The following SSU72 variants were observed in gnomAD, a reference collection of about 807,000 sequenced individuals.
SSU72 encodes SSU72 homolog, RNA polymerase II CTD phosphatase.
A neutral mutation model predicts 22.7 loss-of-function variants in SSU72; 12 were observed. The ratio of observed to expected loss-of-function variants is 0.53; its 90% CI spans 0.34 to 0.86. The LOEUF is 0.86. Ranked by LOEUF, SSU72 falls within the 40% of genes least tolerant of loss-of-function variation. The pLI is 0.02. For missense variants in SSU72, 151 were observed against 249.8 expected (o/e 0.60, Z 2.67); for synonymous variants, 116 against 98.3 (o/e 1.18, Z -1.06).
At chr1:1,570,294 CAA>C (rs34871297) in intron 1 of SSU72, among the ~76,000 whole-genome samples, 2 of 143,376 alleles carry the variant, frequency 1.4e-5, no homozygotes, top group African/African-American at 2.5e-5. Flanking sequence ...AAAAAAAAAA[CAA>C]AAAAAAAAGG....
chr1:1,568,900 G>A (rs372161613), intron 1 of SSU72, among the ~76,000 whole-genome samples: 5 of 152,168 alleles, frequency 3.3e-5, no homozygotes, highest in African/African-American at 7.2e-5. Context: ...GGCCAGGCAC[G>A]GTGGCTCACG....
At chr1:1,558,358 G>A (rs939971763) in intron 2 of SSU72, among the ~76,000 whole-genome samples, 7 of 152,000 alleles carry the variant, frequency 4.6e-5, no homozygotes, top group Non-Finnish European at 7.4e-5. Flanking sequence ...ACAGAGAGAC[G>A]CCCTGTCTCA....
intron 2 of SSU72, chr1:1,561,778 GCCC>G (rs928243388): frequency 3.9e-5 from 6 of 152,150 alleles, no homozygotes. Context: ...GGGCAAAGAC[GCCC>G]CCCGAGTGAA....
intron 1 of SSU72, among the ~76,000 whole-genome samples, chr1:1,566,051 G>A (rs984520517): frequency 1.3e-5 from 2 of 151,732 alleles, no homozygotes; most frequent in African/African-American, 4.8e-5. Context: ...GAGGCTGGGA[G>A]TTTCAGACTA....
chr1:1,552,523 G>A (rs927838434), intron 2 of SSU72, among the ~76,000 whole-genome samples: 2 of 152,184 alleles, frequency 1.3e-5, no homozygotes, highest in African/African-American at 2.4e-5. Flanking sequence ...CCCAGAGGGC[G>A]ATTCCTCCCG....
At chr1:1,555,032 T>G (rs909077798) in intron 2 of SSU72, among the ~76,000 whole-genome samples, 1 of 152,154 alleles carries the variant, frequency 6.6e-6, no homozygotes. Flanking sequence ...GCATGCTAAG[T>G]GCTGCTGCCC....
chr1:1,552,151 G>A (rs552247898), intron 2 of SSU72, among the ~76,000 whole-genome samples: 77 of 152,284 alleles, frequency 5.1e-4, no homozygotes, highest in Middle Eastern at 3.4e-3. Flanking sequence ...CACGCTGGCC[G>A]CGTGGACGCA....
intron 2 of SSU72, among the ~76,000 whole-genome samples, chr1:1,547,238 TG>T (rs1455958477): frequency 6.6e-6 from 1 of 152,016 alleles, no homozygotes; most frequent in East Asian, 1.9e-4. Context: ...TGGGGGCTCC[TG>T]GGGATGGGAC....
At chr1:1,566,645 G>A (rs2100720640) in intron 1 of SSU72, among the ~76,000 whole-genome samples, 2 of 152,276 alleles carry the variant, frequency 1.3e-5, no homozygotes, top group South Asian at 4.1e-4. Context: ...GAGGTCAGGA[G>A]ATCAAGACCA....
chr1:1,553,789 C>T (rs1642483786), intron 2 of SSU72, among the ~76,000 whole-genome samples: 1 of 98,272 alleles, frequency 1.0e-5, no homozygotes, highest in Non-Finnish European at 1.7e-5. Flanking sequence ...GAGACTCCGT[C>T]TCAAAAAAAA....
At chr1:1,551,590 G>C (rs1032024860) in intron 2 of SSU72, among the ~76,000 whole-genome samples, 2 of 152,222 alleles carry the variant, frequency 1.3e-5, no homozygotes, top group African/African-American at 2.4e-5. Context: ...TGGTCAGGGA[G>C]GGGGAGGCCT....
intron 2 of SSU72, among the ~76,000 whole-genome samples, chr1:1,558,374 A>AAAT (rs375195052): frequency 2.0e-5 from 3 of 152,134 alleles, no homozygotes; most frequent in Admixed American, 2.0e-4. Context: ...TCTCAAAACC[A>AAAT]AATAATAATA....
At chr1:1,567,955 G>A (rs1347822331) in intron 1 of SSU72, among the ~76,000 whole-genome samples, 6 of 150,034 alleles carry the variant, frequency 4.0e-5, no homozygotes, top group Non-Finnish European at 8.8e-5. Context: ...CAGGATCAGC[G>A]TGATCACAGC....
Position 1,545,072 on chromosome 1 carries a change from T to C in SSU72, c.225-70A>G, listed in dbSNP as rs904472142. ...ATGAAGCCTGGAAGCGCCTGTGTCCTGGACACCCAGCCCCTTCCCTGCCCC... is the reference window on the plus strand; with the variant it reads ...ATGAAGCCTGGAAGCGCCTGTGTCCCGGACACCCAGCCCCTTCCCTGCCCC... On this transcript the variant is annotated intron_variant, in intron 2 of 4. Transcript: ENST00000291386. 9 of 1,554,620 alleles carry C rather than the reference T, an allele frequency of 5.8e-6. No homozygotes were observed. The African/African-American group carries it at 8.1e-5, about 14-fold the overall frequency.
chr1:1,549,912 G>A (rs1179831037), intron 2 of SSU72, among the ~76,000 whole-genome samples: 1 of 150,970 alleles, frequency 6.6e-6, no homozygotes, highest in African/African-American at 2.4e-5. Context: ...GGTGGAGGTT[G>A]CAGTGAGCCG....
At chr1:1,544,754 G>GC in intron 3 of SSU72, 109 bp downstream of exon 3, 1 of 1,527,228 alleles carries the variant, frequency 6.5e-7, no homozygotes, top group African/African-American at 1.4e-5. Context: ...CTGCTCCCCG[G>GC]CCCCCGCCAC....
Position 1,564,591 on chromosome 1 carries a change from G to A in SSU72, c.224+182C>T. 3 of 1,607,476 alleles carry A rather than the reference G, an allele frequency of 1.9e-6. No individual in the cohort carries two copies. The South Asian group carries it at 3.3e-5, about 18-fold the overall frequency. On this transcript the variant is annotated intron_variant, in intron 2 of 4. Coordinates refer to ENST00000291386, the MANE Select transcript of SSU72 (RefSeq NM_014188.3). Reference sequence around the variant, plus strand: ...CTCACCACGCCTACTGCCATGGGTGGCACTGGAACTAACCCGTGGACGATC... The same window carrying A: ...CTCACCACGCCTACTGCCATGGGTGACACTGGAACTAACCCGTGGACGATC...
In SSU72 at chr1:1,541,847, C is replaced by T. The variant is rs1642323731; in HGVS notation, c.*219G>A. 1 of 543,322 alleles carries T rather than the reference C, an allele frequency of 1.8e-6. No homozygotes were observed. Among genetic ancestry groups the T allele is most frequent in the East Asian group, 3.2e-5 (1 of 31,066 alleles). 33.7% of individuals were successfully genotyped at this position (543,322 alleles called of 1,614,324 possible). A position where few individuals can be genotyped will look rare whatever the true frequency, so the allele number is the denominator to read the frequency against. ...TTCCTTTTTGGTTAAAGAAGAAAAA[C>T]TTTGTAATCAATATCCTGCTCATAA... On this transcript the variant is annotated 3_prime_UTR_variant, in exon 5 of 5. Transcript: ENST00000291386.
rs1642789560 is a variant in SSU72 at position 1,574,665 on chromosome 1, A to C, written c.-108T>G. The C allele has an allele frequency of 3.4e-4, 366 of 1,088,046 alleles. No homozygotes were observed. Among genetic ancestry groups the C allele is most frequent in the Non-Finnish European group, 3.5e-4 (278 of 791,410 alleles). 67.4% of individuals were successfully genotyped at this position (1,088,046 alleles called of 1,614,324 possible). A position where few individuals can be genotyped will look rare whatever the true frequency, so the allele number is the denominator to read the frequency against. ...CGGTGGCCGGAAGCGGGCGACGCGA[A>C]ACGACGGCGCCGGCGGTGTAGCGTG... On this transcript the variant is annotated 5_prime_UTR_variant, in exon 1 of 5. Transcript: ENST00000291386.
Sources: allele counts gnomAD v4.1 joint callset (sites outside exome capture counted in the v4.1 genomes callset), GRCh38; gene constraint gnomAD v4.1.1; transcripts MANE v1.5; gene names NCBI Gene and HGNC (gene_info 2026-07-23, HGNC 2026-07-21).